Variants in EZH1 observed in about 807,000 individuals in gnomAD.
The protein encoded by EZH1 is enhancer of zeste 1 polycomb repressive complex 2 subunit, also known as histone-lysine N-methyltransferase EZH1.
In EZH1, 33 loss-of-function variants were observed where a neutral mutation model predicts 100.5. The observed-to-expected ratio is 0.33, with a 90% confidence interval of 0.25 to 0.44. The LOEUF is 0.44. Ranked by LOEUF, EZH1 falls within the 20% of genes least tolerant of loss-of-function variation. EZH1 has a pLI of 1.00. For missense variants in EZH1, 475 were observed against 928.4 expected (o/e 0.51, Z 6.35); for synonymous variants, 272 against 313.8 (o/e 0.87, Z 1.41).
In EZH1 at chr17:42,704,597, C is replaced by T. The variant is rs1257513887; in HGVS notation, c.2017+5G>A. On this transcript the variant is annotated splice_donor_5th_base_variant and intron_variant, in intron 18 of 20. Coordinates refer to ENST00000428826, the MANE Select transcript of EZH1 (RefSeq NM_001991.5). Reference sequence around the variant, plus strand: ...ACCTTGGGATGAGACAAAGTGACTTCATACCATTATTGAGGTTGAAGAGGA... The same window carrying T: ...ACCTTGGGATGAGACAAAGTGACTTTATACCATTATTGAGGTTGAAGAGGA... The T allele has an allele frequency of 6.2e-7, 1 of 1,609,732 alleles. No homozygotes were observed. The highest frequency in any genetic ancestry group is 1.7e-5 in the Admixed American group (1 of 59,732).
In EZH1 at chr17:42,703,886, T is replaced by C. The variant is rs896842976; in HGVS notation, c.2018-66A>G. 34 of 1,166,188 alleles carry C rather than the reference T, an allele frequency of 2.9e-5. No individual in the cohort carries two copies. The Admixed American group carries it at 5.8e-4, about 20-fold the overall frequency. The allele number at this position is 1,166,188 out of a possible 1,614,324, so 72.2% of individuals were successfully genotyped here. On this transcript the variant is annotated intron_variant, in intron 18 of 20. Transcript: ENST00000428826. ...CAATTCCACAGCTTCTCAGCTTGAA[T>C]TTAAAATCAGTTAAATGGTAACAGA... is the stretch of plus-strand genomic sequence containing the variant.
At chr17:42,705,901 T>G (rs2053343767) in intron 16 of EZH1, 106 bp downstream of exon 16, 1 of 1,171,724 alleles carries the variant, frequency 8.5e-7, no homozygotes, top group Non-Finnish European at 1.2e-6. Flanking sequence ...ATCAAGCACT[T>G]TCACATATAA....
intron 5 of EZH1, among the ~76,000 whole-genome samples, chr17:42,723,337 T>C (rs1378524026): frequency 1.3e-5 from 2 of 150,886 alleles, no homozygotes; most frequent in Admixed American, 1.3e-4. Flanking sequence ...ATCGCGCCAC[T>C]GTACTCCAGC....
At chr17:42,715,018 T>C (rs181550930) in intron 10 of EZH1, among the ~76,000 whole-genome samples, 3,347 of 139,678 alleles carry the variant, frequency 0.024, 154 homozygotes, top group African/African-American at 0.083. Context: ...ATAAAATATA[T>C]ATAATTTATG....
intron 1 of EZH1, among the ~76,000 whole-genome samples, chr17:42,740,855 C>T (rs1448919771): frequency 1.3e-5 from 2 of 152,206 alleles, no homozygotes; most frequent in African/African-American, 4.8e-5. Context: ...ACTAAAGGTA[C>T]TGAATTCCAA....
chr17:42,723,654 C>G lies in EZH1; in HGVS notation c.366+651G>C, dbSNP rs1019799583. ...AATTTTGGGGGAGTGGGGTGCTCAG[C>G]AGAGAATATAGTCATTCTAAAATCC... On this transcript the variant is annotated intron_variant, in intron 5 of 20. Transcript: ENST00000428826. 9.2e-5 allele frequency among the ~76,000 whole-genome samples: 14 copies of G among 152,260 alleles called. 1 individual carries two copies. In the East Asian group the frequency reaches 2.7e-3, roughly 29 times the overall value.
intron 1 of EZH1, among the ~76,000 whole-genome samples, chr17:42,733,723 C>T (rs1187803016): frequency 6.7e-6 from 1 of 149,834 alleles, no homozygotes; most frequent in East Asian, 2.0e-4. Flanking sequence ...AGGCAGATCA[C>T]GCGGTCAAGA....
At chr17:42,736,387 T>C (rs2041679963) in intron 1 of EZH1, among the ~76,000 whole-genome samples, 1 of 152,200 alleles carries the variant, frequency 6.6e-6, no homozygotes, top group Non-Finnish European at 1.5e-5. Flanking sequence ...TTATTTATAA[T>C]AGCCAAAAGT....
intron 7 of EZH1, 111 bp downstream of exon 7, chr17:42,720,161 GA>G (rs990115116): frequency 5.1e-5 from 57 of 1,128,702 alleles, no homozygotes; most frequent in Non-Finnish European, 6.8e-5. Flanking sequence ...CCTTTTAAGT[GA>G]ACCAACAAGA....
chr17:42,702,272 T>G lies in EZH1; in HGVS notation c.*260A>C. The G allele has an allele frequency of 2.4e-6, 1 of 418,116 alleles. No individual in the cohort carries two copies. The highest frequency in any genetic ancestry group is 3.4e-5 in the East Asian group (1 of 29,424). 25.9% of individuals were successfully genotyped at this position (418,116 alleles called of 1,614,324 possible). A position where few individuals can be genotyped will look rare whatever the true frequency, so the allele number is the denominator to read the frequency against. ...GTCATCCACCCCAGCCTGTGCTCGC[T>G]TCTTCTGAGGCCAGAGAAACAGTCT... On this transcript the variant is annotated 3_prime_UTR_variant, in exon 21 of 21. Transcript: ENST00000428826.
chr17:42,745,025 C>A lies in EZH1; in HGVS notation c.-117G>T, dbSNP rs1389802213. On this transcript the variant is annotated 5_prime_UTR_variant, in exon 1 of 21. Transcript: ENST00000428826. ...TACTCACTCACCCTCCATCCCGAGC[C>A]GCGGGTCCCGCTGCTAGGACGCATG... 7.9e-7 allele frequency: 1 copy of A among 1,271,834 alleles called. No individual in the cohort carries two copies. The highest frequency in any genetic ancestry group is 6.2e-5 in the East Asian group (1 of 16,112). 78.8% of individuals were successfully genotyped at this position (1,271,834 alleles called of 1,614,324 possible). A position where few individuals can be genotyped will look rare whatever the true frequency, so the allele number is the denominator to read the frequency against.
chr17:42,728,261 A>G (rs1298952829), intron 3 of EZH1, among the ~76,000 whole-genome samples: 2 of 150,746 alleles, frequency 1.3e-5, no homozygotes, highest in African/African-American at 2.4e-5. Context: ...TTACAGGCAT[A>G]TGACACCACG....
intron 10 of EZH1, among the ~76,000 whole-genome samples, chr17:42,714,917 A>T (rs961989729): frequency 4.3e-5 from 6 of 137,970 alleles, no homozygotes; most frequent in Non-Finnish European, 7.7e-5. Flanking sequence ...TTATATAATT[A>T]TATAATTTAT....
At chr17:42,717,899 A>G in intron 10 of EZH1, 77 bp downstream of exon 10, 1 of 1,283,904 alleles carries the variant, frequency 7.8e-7, no homozygotes, top group Non-Finnish European at 1.1e-6. Context: ...TATGACCCCC[A>G]GAGTGCTGTG....
Position 42,710,060 on chromosome 17 carries a change from G to T in EZH1, c.1402-123C>A, listed in dbSNP as rs191096188. ...AGGCAGCTGACCAAGCCTCTCATCA[G>T]TCAGGGAGAGACAGAGTGCCACTGG... On this transcript the variant is annotated intron_variant, in intron 12 of 20. Coordinates refer to ENST00000428826, the MANE Select transcript of EZH1 (RefSeq NM_001991.5). The T allele has an allele frequency of 9.4e-4, 702 of 750,108 alleles. 3 individuals carry two copies. The Admixed American group carries it at 0.012, about 13-fold the overall frequency. 46.5% of individuals were successfully genotyped at this position (750,108 alleles called of 1,614,324 possible).
At chr17:42,713,086 C>T (rs908532839) in intron 11 of EZH1, 123 bp downstream of exon 11, 6 of 428,482 alleles carry the variant, frequency 1.4e-5, no homozygotes, top group African/African-American at 1.2e-4. Context: ...TTACTGTTTA[C>T]AAAACTTGTA....
At chr17:42,723,429 C>T (rs1186494167) in intron 5 of EZH1, among the ~76,000 whole-genome samples, 1 of 151,466 alleles carries the variant, frequency 6.6e-6, no homozygotes, top group African/African-American at 2.4e-5. Context: ...AAAATGAAGG[C>T]TTCTAAGATT....
chr17:42,725,562 T>C (rs2053803124), intron 4 of EZH1, among the ~76,000 whole-genome samples: 1 of 152,080 alleles, frequency 6.6e-6, no homozygotes, highest in African/African-American at 2.4e-5. Context: ...ATTACATGTG[T>C]GAGCCACTAT....
chr17:42,720,357 G>C lies in EZH1; in HGVS notation c.580C>G (p.His194Asp), dbSNP rs773788984. ...NQYSDEEEEG[H>D]NDTSDGKQDD... ...TGCTTTCCATCTGAGGTGTCATTGT[G>C]CCCTTCCTCCTCCTCATCTGAGTAC... The change falls in exon 7 of 21, where the codon CAC (histidine) becomes GAC (aspartate). Residue 194 changes from histidine (H) to aspartate (D), a missense_variant. Physicochemically the swap from His to Asp is moderately conservative, Grantham distance 81. Coordinates refer to ENST00000428826, the MANE Select transcript of EZH1 (RefSeq NM_001991.5). The C allele has an allele frequency of 4.3e-6, 7 of 1,614,136 alleles. No individual in the cohort carries two copies. The South Asian group carries it at 7.7e-5, about 18-fold the overall frequency.
Sources: allele counts gnomAD v4.1 joint callset (sites outside exome capture counted in the v4.1 genomes callset), GRCh38; gene constraint gnomAD v4.1.1; transcripts MANE v1.5; gene names NCBI Gene and HGNC (gene_info 2026-07-23, HGNC 2026-07-21).